DLG2: variants seen among roughly 807,000 people sequenced by gnomAD.
The protein encoded by DLG2 is discs large MAGUK scaffold protein 2.
Under a neutral mutation model 132.5 loss-of-function variants are expected in DLG2, and 45 were observed. That is an observed-to-expected ratio of 0.34 (90% CI 0.27 to 0.44). The LOEUF is 0.44. Among genes scored for constraint, DLG2 ranks in the 20% least tolerant of loss-of-function variants. The probability of loss-of-function intolerance (pLI) is 1.00; values close to 1 mark genes in which losing one functional copy is unlikely to be tolerated. For synonymous variants in DLG2, 424 were observed against 419.6 expected (o/e 1.01, Z -0.13); for missense variants, 1,045 against 1,196.9 (o/e 0.87, Z 1.87).
chr11:84,576,533 T>C (rs191651601), intron 6 of DLG2, among the ~76,000 whole-genome samples: 12 of 152,248 alleles, frequency 7.9e-5, no homozygotes, highest in African/African-American at 2.6e-4. Context: ...ATAAAGTGTC[T>C]AGGTAAGCAC....
intron 6 of DLG2, among the ~76,000 whole-genome samples, chr11:84,986,837 T>C (rs984111328): frequency 1.1e-4 from 17 of 152,170 alleles, no homozygotes; most frequent in African/African-American, 3.9e-4. Flanking sequence ...AAGCATTTCC[T>C]CTGAGAACTA....
intron 16 of DLG2, among the ~76,000 whole-genome samples, chr11:83,850,453 G>A (rs549021702): frequency 9.2e-5 from 14 of 152,040 alleles, no homozygotes; most frequent in East Asian, 5.8e-4. Flanking sequence ...GCGGCAGCCC[G>A]GGGTAAGTTT....
intron 14 of DLG2, among the ~76,000 whole-genome samples, chr11:83,950,246 A>G (rs2085074750): frequency 6.6e-6 from 1 of 152,208 alleles, no homozygotes; most frequent in African/African-American, 2.4e-5. Flanking sequence ...GAAGTATTTA[A>G]TTAATATCTG....
intron 3 of DLG2, among the ~76,000 whole-genome samples, chr11:85,482,951 A>G (rs2093334244): frequency 6.6e-6 from 1 of 152,254 alleles, no homozygotes; most frequent in South Asian, 2.1e-4. Flanking sequence ...TATATAAGAT[A>G]TCTGATATAT....
chr11:84,775,411 G>T (rs1271857274), intron 6 of DLG2, among the ~76,000 whole-genome samples: 1 of 152,110 alleles, frequency 6.6e-6, no homozygotes, highest in Non-Finnish European at 1.5e-5. Context: ...CAACCCAGCA[G>T]TCGCATTAGT....
chr11:84,273,305 G>GTA, intron 7 of DLG2: 4 of 436,294 alleles, frequency 9.2e-6, no homozygotes, highest in Non-Finnish European at 8.8e-6. Flanking sequence ...CAGTTGAAGA[G>GTA]GAAAAAAAAA....
At chr11:84,534,838 A>T (rs2099351521) in intron 6 of DLG2, 107 bp from the exon 7 acceptor site, 7 of 1,307,914 alleles carry the variant, frequency 5.4e-6, no homozygotes, top group African/African-American at 1.4e-5. Context: ...GTGTGCACCT[A>T]CTGTTGACTT....
chr11:83,988,909 TTA>T (rs1198434898), intron 11 of DLG2, among the ~76,000 whole-genome samples: 2 of 151,978 alleles, frequency 1.3e-5, no homozygotes, highest in Non-Finnish European at 2.9e-5. Flanking sequence ...CATATTTTGT[TTA>T]TATGTTTTTT....
intron 7 of DLG2, among the ~76,000 whole-genome samples, chr11:84,283,142 T>C (rs866459390): frequency 2.5e-4 from 38 of 152,334 alleles, no homozygotes; most frequent in Middle Eastern, 6.8e-3. Flanking sequence ...CATTGTAATA[T>C]TGACTTTACA....
intron 22 of DLG2, among the ~76,000 whole-genome samples, chr11:83,473,699 G>A (rs2092332342): frequency 6.6e-6 from 1 of 151,890 alleles, no homozygotes; most frequent in Admixed American, 6.6e-5. Context: ...GAGCAGAAGT[G>A]GAATATGAGG....
At chr11:83,649,553 T>C (rs938823286) in intron 18 of DLG2, among the ~76,000 whole-genome samples, 4 of 152,180 alleles carry the variant, frequency 2.6e-5, no homozygotes, top group Non-Finnish European at 4.4e-5. Flanking sequence ...CAGTAAGAAC[T>C]TCAACCCTGG....
chr11:85,022,256 ACACTAAAAAGAAAAT>A (rs2060142855), intron 6 of DLG2, among the ~76,000 whole-genome samples: 1 of 151,802 alleles, frequency 6.6e-6, no homozygotes, highest in Admixed American at 6.6e-5. Flanking sequence ...AAAGAATGAA[ACACTAAAAAGAAAAT>A]TAGAAAATTA....
chr11:85,341,522 C>T (rs917461856), intron 3 of DLG2, among the ~76,000 whole-genome samples: 1 of 152,318 alleles, frequency 6.6e-6, no homozygotes, highest in East Asian at 1.9e-4. Context: ...TGCCTAATTG[C>T]ATTGGCTGAT....
intron 6 of DLG2, among the ~76,000 whole-genome samples, chr11:84,769,311 T>TA (rs1565912813): frequency 6.6e-6 from 1 of 152,262 alleles, no homozygotes; most frequent in East Asian, 1.9e-4. Context: ...CTTCTGGAAT[T>TA]AAAAAACTCA....
At chr11:84,533,231 C>T (rs1325209465) in intron 7 of DLG2, among the ~76,000 whole-genome samples, 1 of 152,190 alleles carries the variant, frequency 6.6e-6, no homozygotes, top group East Asian at 1.9e-4. Context: ...GTCAGTTATG[C>T]ACAGTGGATC....
intron 6 of DLG2, among the ~76,000 whole-genome samples, chr11:84,631,012 TCTCTCTCACACACA>T (rs2099630872): frequency 1.5e-5 from 2 of 129,466 alleles, no homozygotes; most frequent in African/African-American, 6.6e-5. Context: ...TCTCTCTCTC[TCTCTCTCACACACA>T]CACACACACA....
chr11:85,006,611 T>C (rs1030874747), intron 6 of DLG2, among the ~76,000 whole-genome samples: 1 of 152,150 alleles, frequency 6.6e-6, no homozygotes, highest in African/African-American at 2.4e-5. Context: ...TTATTTCTTC[T>C]CTCTTTTCTT....
At chr11:84,420,645 G>GT (rs1567588759) in intron 7 of DLG2, among the ~76,000 whole-genome samples, 7 of 48,914 alleles carry the variant, frequency 1.4e-4, no homozygotes, top group Admixed American at 3.2e-4. Context: ...ACCAATGCTT[G>GT]TTTTCTTTTT....
intron 6 of DLG2, among the ~76,000 whole-genome samples, chr11:84,715,793 A>G (rs2061153673): frequency 6.6e-6 from 1 of 152,062 alleles, no homozygotes; most frequent in Non-Finnish European, 1.5e-5. Flanking sequence ...TTCTTCATCC[A>G]TTTATTTGTC....
Sources: gnomAD v4.1 joint callset for allele counts (sites outside exome capture counted in the v4.1 genomes callset) on GRCh38, gnomAD v4.1.1 for gene constraint, MANE v1.5 for transcripts, NCBI Gene and HGNC (gene_info 2026-07-23, HGNC 2026-07-21) for gene names.